The following FARP1 variants were observed in gnomAD, a reference collection of about 807,000 sequenced individuals.
FARP1 encodes FERM, ARH/RhoGEF and pleckstrin domain protein 1, also known as FERM, ARHGEF and pleckstrin domain-containing protein 1.
A neutral mutation model predicts 128.8 loss-of-function variants in FARP1; 52 were observed. The observed-to-expected ratio is 0.40, with a 90% CI of 0.32 to 0.51. FARP1 has a LOEUF of 0.51. Ranked by LOEUF, FARP1 falls within the 20% of genes least tolerant of loss-of-function variation. FARP1 has a pLI of 0.45. For missense variants in FARP1, 1,333 were observed against 1,367.9 expected, an observed-to-expected ratio of 0.97 and a Z score of 0.40; for synonymous variants, 580 against 551.8, an observed-to-expected ratio of 1.05 and a Z score of -0.72.
At position 98,176,352 on chromosome 13, in the gene FARP1, C is replaced by T; in HGVS notation, c.-24+32860C>T. On this transcript the variant is annotated intron_variant, in intron 1 of 26. Transcript: ENST00000319562. This position sits in a 1 kb window ranked among gnomAD's most constrained non-coding sequence, Gnocchi z 6.2. Reference sequence around the variant, plus strand: ...CGGGGTTAAAGATGCCGCCGGTTGGCTGGTCACAGATGTAGCAGCGCGGGG... The same window carrying T: ...CGGGGTTAAAGATGCCGCCGGTTGGTTGGTCACAGATGTAGCAGCGCGGGG... 1 of 1,614,048 alleles carries T rather than the reference C, an allele frequency of 6.2e-7. No individual in the cohort carries two copies. The highest frequency in any genetic ancestry group is 1.3e-5 in the African/African-American group (1 of 75,060).
At chr13:98,185,703 T>C (rs1240408447) in intron 1 of FARP1, among the ~76,000 whole-genome samples, 1 of 151,886 alleles carries the variant, frequency 6.6e-6, no homozygotes, top group Non-Finnish European at 1.5e-5. Flanking sequence ...TGGGTTTGTT[T>C]GTTTGTTTTT....
intron 5 of FARP1, among the ~76,000 whole-genome samples, chr13:98,373,308 G>A (rs1245971891): frequency 1.3e-5 from 2 of 152,082 alleles, no homozygotes; most frequent in Non-Finnish European, 2.9e-5. Context: ...TATTCAGAAT[G>A]TAATTTTAAA....
intron 17 of FARP1, among the ~76,000 whole-genome samples, chr13:98,429,172 G>T (rs35019659): frequency 0.037 from 5,585 of 152,332 alleles, 159 homozygotes; most frequent in Middle Eastern, 0.082. Flanking sequence ...AAGGGCGGTT[G>T]TGGAAAGACA....
intron 16 of FARP1, 50 bp from the exon 17 acceptor site, chr13:98,424,522 C>G: frequency 8.4e-7 from 1 of 1,188,510 alleles, no homozygotes; most frequent in Non-Finnish European, 1.3e-6. Flanking sequence ...CCAGGGCTGT[C>G]ATGTCACTAC....
chr13:98,285,746 G>A (rs1429520096), intron 2 of FARP1, among the ~76,000 whole-genome samples: 1 of 152,230 alleles, frequency 6.6e-6, no homozygotes, highest in African/African-American at 2.4e-5. Context: ...TTAGTCTTAA[G>A]AGTTGAAAAT....
intron 2 of FARP1, among the ~76,000 whole-genome samples, chr13:98,261,740 G>A (rs1168942806): frequency 2.0e-5 from 3 of 152,106 alleles, no homozygotes; most frequent in East Asian, 1.9e-4. Context: ...GGCATGCTTC[G>A]AATTTCTCTG....
chr13:98,428,718 C>G (rs1049969241), intron 17 of FARP1, among the ~76,000 whole-genome samples: 3 of 152,198 alleles, frequency 2.0e-5, no homozygotes, highest in Non-Finnish European at 4.4e-5. Context: ...CTCCCAAGAC[C>G]TCTGCCTTGG....
chr13:98,161,455 G>T (rs1369141870), intron 1 of FARP1, among the ~76,000 whole-genome samples: 7 of 152,012 alleles, frequency 4.6e-5, no homozygotes, highest in Non-Finnish European at 8.8e-5. Flanking sequence ...GACCTCAAAA[G>T]ATCCGCCCGC....
chr13:98,154,353 T>A (rs1876344774), intron 1 of FARP1, among the ~76,000 whole-genome samples: 1 of 152,178 alleles, frequency 6.6e-6, no homozygotes, highest in Admixed American at 6.5e-5. Flanking sequence ...TTAACAGGTG[T>A]GTAGTGGTAT....
intron 1 of FARP1, among the ~76,000 whole-genome samples, chr13:98,202,196 G>A (rs1360750674): frequency 6.6e-6 from 1 of 152,214 alleles, no homozygotes; most frequent in Non-Finnish European, 1.5e-5. Context: ...GCTCCCCCGG[G>A]ACAGAGGCAC....
intron 1 of FARP1, among the ~76,000 whole-genome samples, chr13:98,181,110 A>G (rs1454909504): frequency 1.3e-5 from 2 of 151,772 alleles, no homozygotes. Flanking sequence ...GTTGTATTGT[A>G]TGTACATCCA....
At position 98,375,325 on chromosome 13, in the gene FARP1, T is replaced by A. The variant is rs1889535523; in HGVS notation, c.399-2496T>A. 2.0e-5 allele frequency among the ~76,000 whole-genome samples: 3 copies of A among 152,228 alleles called. No homozygotes were observed. The South Asian group carries it at 6.2e-4, about 32-fold the overall frequency. On this transcript the variant is annotated intron_variant, in intron 5 of 26. Coordinates refer to ENST00000319562, the MANE Select transcript of FARP1 (RefSeq NM_005766.4). The stretch of plus-strand genomic sequence containing the variant: ...GAGTCAATAATTTCTTTAGAGTTTG[T>A]GGAATGAGGATTTTCTAATTCTATT...
At chr13:98,190,848 CAT>C (rs1481876532) in intron 1 of FARP1, among the ~76,000 whole-genome samples, 1 of 151,806 alleles carries the variant, frequency 6.6e-6, no homozygotes, top group African/African-American at 2.4e-5. Flanking sequence ...TGCCCAGCCT[CAT>C]ATGATATTTC....
rs1374240850 is a variant in FARP1, at chr13:98,275,337, GA to G, written c.171+61925del. On this transcript the variant is annotated intron_variant, in intron 2 of 26. Coordinates refer to ENST00000319562, the MANE Select transcript of FARP1 (RefSeq NM_005766.4). Reference sequence around the variant, plus strand: ...ATAGGTGGCAGTGAATGTGGGTAAGGAGAGAGAGAGAGAGAGAGAGAGAGAG... The same window carrying G: ...ATAGGTGGCAGTGAATGTGGGTAAGGGAGAGAGAGAGAGAGAGAGAGAGAG... 3.3e-3 allele frequency among the ~76,000 whole-genome samples: 5 copies of G among 1,494 alleles called. No individual in the cohort carries two copies. The African/African-American group carries it at 0.053, about 16-fold the overall frequency. 1.0% of individuals were successfully genotyped at this position (1,494 alleles called of 152,430 possible).
At chr13:98,385,881 C>G in intron 8 of FARP1, 67 bp downstream of exon 8, 1 of 1,539,582 alleles carries the variant, frequency 6.5e-7, no homozygotes. Context: ...CCCTTCAACT[C>G]TGATTCATAT....
In FARP1 at chr13:98,291,376, G is replaced by C. The variant is rs182615319; in HGVS notation, c.172-52386G>C. 6.7e-3 allele frequency among the ~76,000 whole-genome samples: 1,023 copies of C among 152,284 alleles called. 8 individuals are homozygous for C. Among genetic ancestry groups the C allele is most frequent in the Non-Finnish European group, 9.4e-3 (637 of 68,012 alleles). On this transcript the variant is annotated intron_variant, in intron 2 of 26. Transcript: ENST00000319562. The stretch of plus-strand genomic sequence containing the variant: ...AGGAGGATGAGTGGCTGGTCATGCT[G>C]TCTCTGGGACGGCAGAGGCAGAAGA...
chr13:98,331,731 A>G (rs1472609884), intron 2 of FARP1: 1 of 152,140 alleles, frequency 6.6e-6, no homozygotes, highest in African/African-American at 2.4e-5. Context: ...CATTGTTCAG[A>G]TGGGAAAGCC....
intron 2 of FARP1, among the ~76,000 whole-genome samples, chr13:98,289,268 T>C (rs1348229061): frequency 6.6e-6 from 1 of 152,202 alleles, no homozygotes; most frequent in Non-Finnish European, 1.5e-5. Context: ...AATGTTAATG[T>C]TATTGTACTT....
At chr13:98,409,117 TTAATTACG>T (rs1407761569) in intron 13 of FARP1, among the ~76,000 whole-genome samples, 4 of 152,162 alleles carry the variant, frequency 2.6e-5, no homozygotes, top group African/African-American at 9.7e-5. Flanking sequence ...TATCTTATCA[TTAATTACG>T]TAATGAGGCT....
Sources: allele counts gnomAD v4.1 joint callset (sites outside exome capture counted in the v4.1 genomes callset), GRCh38; gene constraint gnomAD v4.1.1; non-coding constraint Gnocchi (gnomAD v3.1); transcripts MANE v1.5; gene names NCBI Gene and HGNC (gene_info 2026-07-23, HGNC 2026-07-21).